The following BFSP1 variants were observed in gnomAD, a reference collection of about 807,000 sequenced individuals.
BFSP1 encodes filensin.
BFSP1 carries 38 observed loss-of-function variants against 43.9 expected under a neutral mutation model. That is an observed-to-expected ratio of 0.87 (90% CI 0.67 to 1.14). The LOEUF (loss-of-function observed/expected upper bound fraction) is 1.14. BFSP1 is among the 50% of genes most tolerant of loss of function. BFSP1 has a pLI of 0.00. For synonymous variants in BFSP1, 352 were observed against 354.8 expected (o/e 0.99, Z 0.09); for missense variants, 850 against 875.1 (o/e 0.97, Z 0.36).
intron 2 of BFSP1, among the ~76,000 whole-genome samples, chr20:17,523,844 C>T (rs2034365095): frequency 6.6e-6 from 1 of 152,000 alleles, no homozygotes; most frequent in African/African-American, 2.4e-5. Context: ...TTCCCCTCAA[C>T]CAGCAGAGTA....
At chr20:17,555,348 T>C (rs1226248098) in intron 1 of BFSP1, among the ~76,000 whole-genome samples, 1 of 134,606 alleles carries the variant, frequency 7.4e-6, no homozygotes, top group African/African-American at 2.8e-5. Context: ...CACAAAGGAA[T>C]GCCCAAACAA....
Position 17,531,367 on chromosome 20 carries a change from G to T in BFSP1, c.-38C>A, listed in dbSNP as rs992122571. On this transcript the variant is annotated 5_prime_UTR_variant, in exon 1 of 8. Coordinates refer to ENST00000377873, the MANE Select transcript of BFSP1 (RefSeq NM_001195.5). Reference sequence around the variant, plus strand: ...GCGGGCGCGCGGGCGGCGCCGAGCCGGCTCTCCAGGAGGCCCCCGGCGCAG... The same window carrying T: ...GCGGGCGCGCGGGCGGCGCCGAGCCTGCTCTCCAGGAGGCCCCCGGCGCAG... The T allele has an allele frequency of 7.6e-6, 10 of 1,316,996 alleles. No homozygotes were observed. Among genetic ancestry groups the T allele is most frequent in the Non-Finnish European group, 7.7e-6 (8 of 1,037,562 alleles). 81.6% of individuals were successfully genotyped at this position (1,316,996 alleles called of 1,614,324 possible). A position where few individuals can be genotyped will look rare whatever the true frequency, so the allele number is the denominator to read the frequency against.
At position 17,497,442 on chromosome 20, in the gene BFSP1, G is replaced by A. The variant is rs1398279815; in HGVS notation, c.957-419C>T. 6.6e-4 allele frequency among the ~76,000 whole-genome samples: 22 copies of A among 33,354 alleles called. No individual in the cohort carries two copies. The South Asian group carries it at 0.017, about 26-fold the overall frequency. 21.9% of individuals were successfully genotyped at this position (33,354 alleles called of 152,430 possible). A position where few individuals can be genotyped will look rare whatever the true frequency, so the allele number is the denominator to read the frequency against. On this transcript the variant is annotated intron_variant, in intron 6 of 7. Coordinates refer to ENST00000377873, the MANE Select transcript of BFSP1 (RefSeq NM_001195.5). ...CAACTTAAGATATATGTATATATAC[G>A]TGTATGTATATATATATACACACAC...
intron 3 of BFSP1, 23 bp downstream of exon 3, chr20:17,514,698 G>C (rs1198844055): frequency 1.9e-6 from 3 of 1,610,010 alleles, no homozygotes. Context: ...TCTAGAGGAA[G>C]GGCTTCAAGG....
intron 1 of BFSP1, among the ~76,000 whole-genome samples, chr20:17,566,010 CG>C (rs2035114512): frequency 1.3e-5 from 2 of 150,580 alleles, no homozygotes; most frequent in African/African-American, 4.9e-5. Flanking sequence ...CCCAGCTACT[CG>C]GGAGGCTGAG....
intron 1 of BFSP1, among the ~76,000 whole-genome samples, chr20:17,537,454 G>A (rs1461165100): frequency 2.0e-5 from 3 of 151,276 alleles, no homozygotes; most frequent in South Asian, 2.1e-4. Context: ...CTGCACACAC[G>A]CAGTTGACTC....
chr20:17,559,411 C>T (rs1310352060), upstream of BFSP1, among the ~76,000 whole-genome samples: 1 of 152,188 alleles, frequency 6.6e-6, no homozygotes, highest in Non-Finnish European at 1.5e-5. Context: ...CTGTGGAGTG[C>T]AAGCATCACC....
chr20:17,517,368 A>G, intron 2 of BFSP1: 1 of 940,428 alleles, frequency 1.1e-6, no homozygotes, highest in Non-Finnish European at 1.7e-6. Context: ...ACAAACAAAC[A>G]AAATCATTTC....
chr20:17,535,371 A>G (rs1322920415), upstream of BFSP1, among the ~76,000 whole-genome samples: 1 of 152,122 alleles, frequency 6.6e-6, no homozygotes. Flanking sequence ...TGTACTAAAA[A>G]TACAAAAAAA....
rs1231750286 is a variant in BFSP1, at chr20:17,524,907, A to G, written c.379T>C (p.Tyr127His). The change falls in exon 2 of 8, where the codon TAT (tyrosine) becomes CAT (histidine). Residue 127 changes from tyrosine to histidine, a missense_variant and splice_region_variant. Tyr to His is a moderately conservative substitution (Grantham distance 83). Coordinates refer to ENST00000377873, the MANE Select transcript of BFSP1 (RefSeq NM_001195.5). ...QRALDEFRSK[Y>H]ENECECQLLL... Reference sequence around the variant, plus strand: ...AGTTGACATTCGCACTCATTTTCATACCTGCAAATTGGACACATAAGTGAG... The same window carrying G: ...AGTTGACATTCGCACTCATTTTCATGCCTGCAAATTGGACACATAAGTGAG... 1 of 1,613,738 alleles carries G rather than the reference A, an allele frequency of 6.2e-7. No homozygotes were observed. The highest frequency in any genetic ancestry group is 1.1e-5 in the South Asian group (1 of 91,074).
chr20:17,500,238 C>T (rs1374320315), intron 5 of BFSP1, among the ~76,000 whole-genome samples: 1 of 152,074 alleles, frequency 6.6e-6, no homozygotes, highest in African/African-American at 2.4e-5. Flanking sequence ...TTAATCAGAG[C>T]AAGTAAAAAT....
chr20:17,515,135 G>A (rs1188326767), intron 2 of BFSP1, among the ~76,000 whole-genome samples: 7 of 152,084 alleles, frequency 4.6e-5, no homozygotes, highest in African/African-American at 1.4e-4. Flanking sequence ...AGAGGCCAGG[G>A]ACACTGCTAA....
At chr20:17,509,352 A>T (rs2034021925) in intron 4 of BFSP1, among the ~76,000 whole-genome samples, 1 of 148,490 alleles carries the variant, frequency 6.7e-6, no homozygotes, top group Non-Finnish European at 1.5e-5. Flanking sequence ...TGGCATCTTG[A>T]TCTTGGACTT....
Position 17,511,990 on chromosome 20 carries a change from T to A in BFSP1, c.613A>T (p.Ser205Cys). The A allele has an allele frequency of 6.2e-7, 1 of 1,608,670 alleles. No individual in the cohort carries two copies. The highest frequency in any genetic ancestry group is 8.5e-7 in the Non-Finnish European group (1 of 1,175,204). ...TCAATTCTTACCTCCCTCATCCCAC[T>A]CGTCACAATGGATGCTGGAGGAGTG... Reference protein sequence around the residue: ...HTTPPASIVTSGMREEKLLTE... With the variant: ...HTTPPASIVTCGMREEKLLTE... The change falls in exon 4 of 8, where the codon AGT (serine) becomes TGT (cysteine). Residue 205 changes from serine to cysteine, a missense_variant. Physicochemically the swap from Ser to Cys is moderately radical, Grantham distance 112 (BLOSUM62 -1). Coordinates refer to ENST00000377873, the MANE Select transcript of BFSP1 (RefSeq NM_001195.5).
chr20:17,498,313 T>C (rs1285180697), intron 6 of BFSP1, among the ~76,000 whole-genome samples: 2 of 152,198 alleles, frequency 1.3e-5, no homozygotes, highest in Admixed American at 6.5e-5. Flanking sequence ...AGCTCCATTA[T>C]GGAGAAGACC....
rs144515006 is a variant in BFSP1 at position 17,553,794 on chromosome 20, TACACACACACACACAC to T, written c.2+4878_2+4893del. 1.6e-3 allele frequency among the ~76,000 whole-genome samples: 167 copies of T among 104,998 alleles called. 8 individuals carry two copies. The highest frequency in any genetic ancestry group is 6.8e-3 in the African/African-American group (163 of 23,824). The allele number at this position is 104,998 out of a possible 152,430, so 68.9% of individuals were successfully genotyped here. ...ATATAAACATATATATATATATATA[TACACACACACACACAC>T]ACACACACACACACATATATATATA... On this transcript the variant is annotated intron_variant, in intron 1 of 7. Transcript: ENST00000377868.
intron 1 of BFSP1, among the ~76,000 whole-genome samples, chr20:17,555,391 G>A (rs1005399259): frequency 6.6e-6 from 1 of 151,766 alleles, no homozygotes; most frequent in African/African-American, 2.4e-5. Flanking sequence ...GGTGGTTCAT[G>A]CCTGTAATCC....
At chr20:17,563,322 T>G (rs1600689873), upstream of BFSP1, among the ~76,000 whole-genome samples, 1 of 152,280 alleles carries the variant, frequency 6.6e-6, no homozygotes, top group East Asian at 1.9e-4. Flanking sequence ...GTATGTGGTC[T>G]AGAAATATGG....
At chr20:17,534,992 AC>A (rs2034604055), upstream of BFSP1, among the ~76,000 whole-genome samples, 1 of 151,876 alleles carries the variant, frequency 6.6e-6, no homozygotes, top group Non-Finnish European at 1.5e-5. Flanking sequence ...CTGCACTCCA[AC>A]CTAGGTGACA....
Sources: gnomAD v4.1 joint callset for allele counts (sites outside exome capture counted in the v4.1 genomes callset) on GRCh38, gnomAD v4.1.1 for gene constraint, MANE v1.5 for transcripts, NCBI Gene and HGNC (gene_info 2026-07-23, HGNC 2026-07-21) for gene names.